The following THRAP3 variants were observed in gnomAD, a reference collection of about 807,000 sequenced individuals.
The protein encoded by THRAP3 is thyroid hormone receptor-associated protein 3.
Under a neutral mutation model 101.0 loss-of-function variants are expected in THRAP3, and 16 were observed. The ratio of observed to expected loss-of-function variants is 0.16; its 90% CI spans 0.11 to 0.24. The LOEUF (loss-of-function observed/expected upper bound fraction) is 0.24. Among genes scored for constraint, THRAP3 ranks in the 10% least tolerant of loss-of-function variants. THRAP3 has a pLI of 1.00. For synonymous variants in THRAP3, 407 were observed against 422.6 expected, an observed-to-expected ratio of 0.96 and a Z score of 0.45; for missense variants, 989 against 1,202.7, an observed-to-expected ratio of 0.82 and a Z score of 2.63.
At chr1:36,294,143 C>T (rs1241788449) in intron 8 of THRAP3, 1 of 1,331,862 alleles carries the variant, frequency 7.5e-7, no homozygotes, top group East Asian at 2.7e-5. Context: ...GGTAAATGAC[C>T]CCAAAGTCTA....
chr1:36,267,276 CAA>C (rs1446678895), intron 2 of THRAP3, among the ~76,000 whole-genome samples: 1 of 152,152 alleles, frequency 6.6e-6, no homozygotes, highest in Non-Finnish European at 1.5e-5. Context: ...CCTTTAAAAG[CAA>C]AGTTTCTTTA....
At chr1:36,213,703 C>T in the THRAP3 span, among the ~76,000 whole-genome samples, 23 of 151,614 alleles carry the variant, frequency 1.5e-4, no homozygotes, top group African/African-American at 1.5e-4. Context: ...AAAAATTAGC[C>T]GGGCATGGTG....
At chr1:36,225,317 G>A (rs1644949487) in intron 1 of THRAP3, 1 of 152,236 alleles carries the variant, frequency 6.6e-6, no homozygotes, top group African/African-American at 2.4e-5. Context: ...CCTGGCAAGA[G>A]AGAGGCAGTG....
At chr1:36,233,731 A>C (rs1217026260) in intron 1 of THRAP3, among the ~76,000 whole-genome samples, 35 of 151,922 alleles carry the variant, frequency 2.3e-4, no homozygotes, top group Admixed American at 2.0e-3. Flanking sequence ...GCACCACTGC[A>C]CTCTAGCCTG....
intron 6 of THRAP3, among the ~76,000 whole-genome samples, chr1:36,292,256 C>CTTTCTTTTTTTTTTTTTT (rs1209163379): frequency 1.8e-5 from 1 of 54,534 alleles, no homozygotes; most frequent in Non-Finnish European, 3.5e-5. Context: ...TAATGTGTTT[C>CTTTCTTTTTTTTTTTTTT]TTTGTTTCTT....
chr1:36,247,918 C>T (rs1439709702), intron 1 of THRAP3, among the ~76,000 whole-genome samples: 3 of 149,680 alleles, frequency 2.0e-5, no homozygotes, highest in African/African-American at 4.9e-5. Context: ...TCTGTCACCC[C>T]GCCCAGGCTG....
In THRAP3 at chr1:36,301,590, A is replaced by G. The variant is rs772512612; in HGVS notation, c.2540A>G (p.Asn847Ser). The G allele has an allele frequency of 1.2e-6, 2 of 1,614,192 alleles. No homozygotes were observed. Among genetic ancestry groups the G allele is most frequent in the Non-Finnish European group, 1.7e-6 (2 of 1,180,010 alleles). The change falls in exon 11 of 12, where the codon AAC (asparagine) becomes AGC (serine). Residue 847 changes from asparagine (N) to serine (S), a missense_variant. Transcript: ENST00000354618. ...RARGRGWGRG[N>S]YSGNNNNNSN... ...AGAGGAAGAGGCTGGGGCAGAGGCA[A>G]CTACTCTGGGAACAATAACAACAAC...
chr1:36,266,443 A>G (rs1188436027), intron 2 of THRAP3, among the ~76,000 whole-genome samples: 1 of 152,202 alleles, frequency 6.6e-6, no homozygotes, highest in Non-Finnish European at 1.5e-5. Flanking sequence ...TGGAAAATAC[A>G]TTTCTCATTG....
chr1:36,286,582 T>G lies in THRAP3; in HGVS notation c.352T>G (p.Tyr118Asp). The change falls in exon 4 of 12, where the codon TAC becomes GAC. Residue 118 changes from tyrosine (Y) to aspartate (D), a missense_variant. Transcript: ENST00000354618. This position sits in a 1 kb window ranked among gnomAD's most constrained non-coding sequence, Gnocchi z 5.5. Reference protein sequence around the residue: ...RSNWQNYRQAYSPRRGRSRSR... With the variant: ...RSNWQNYRQADSPRRGRSRSR... ...AAATTGGCAGAATTACCGGCAAGCA[T>G]ACAGTCCTCGTCGAGGCCGTTCAAG... 3 of 1,614,150 alleles carry G rather than the reference T, an allele frequency of 1.9e-6. No homozygotes were observed. The highest frequency in any genetic ancestry group is 2.5e-6 in the Non-Finnish European group (3 of 1,180,030).
chr1:36,274,869 G>A lies in THRAP3; in HGVS notation c.-31-7664G>A, dbSNP rs563327292. Reference sequence around the variant, plus strand: ...GCTGATCTCAATTTCTTGACCAAGTGATCCACCCGCCTTGGCCTCCCAAAG... The same window carrying A: ...GCTGATCTCAATTTCTTGACCAAGTAATCCACCCGCCTTGGCCTCCCAAAG... On this transcript the variant is annotated intron_variant, in intron 2 of 11. Coordinates refer to ENST00000354618, the MANE Select transcript of THRAP3 (RefSeq NM_005119.4). Among the ~76,000 whole-genome samples the A allele has an allele frequency of 2.0e-5, 3 of 151,294 alleles. No individual in the cohort carries two copies. The East Asian group carries it at 5.9e-4, about 30-fold the overall frequency.
At chr1:36,252,888 C>T (rs1403676206) in intron 1 of THRAP3, among the ~76,000 whole-genome samples, 1 of 138,428 alleles carries the variant, frequency 7.2e-6, no homozygotes, top group Non-Finnish European at 1.5e-5. Context: ...GCCTGGGTGA[C>T]AGAGTGAGAC....
At chr1:36,238,603 T>C (rs1645118574) in intron 1 of THRAP3, among the ~76,000 whole-genome samples, 1 of 152,196 alleles carries the variant, frequency 6.6e-6, no homozygotes, top group Admixed American at 6.6e-5. Context: ...GTTAGTGTTA[T>C]TACAGCTGTT....
At chr1:36,268,880 C>T (rs1645550915) in intron 2 of THRAP3, among the ~76,000 whole-genome samples, 1 of 152,198 alleles carries the variant, frequency 6.6e-6, no homozygotes, top group African/African-American at 2.4e-5. Context: ...CGCCCGCCAC[C>T]ACGCCCAGCT....
chr1:36,290,126 G>A (rs956617617), intron 5 of THRAP3, among the ~76,000 whole-genome samples: 14 of 151,962 alleles, frequency 9.2e-5, no homozygotes, highest in African/African-American at 2.9e-4. Context: ...TCTATAGTAC[G>A]GCCCTTCCCC....
In THRAP3 at chr1:36,275,602, A is replaced by AAAAAG. The variant is rs1553122394; in HGVS notation, c.-31-6929_-31-6928insAAGAA. Reference sequence around the variant, plus strand: ...ACTCTGTCTCAAAAAAAAAAAAAAAAAAGTCTTCTTTTTTTTTTTTCTTTT... The same window carrying AAAAAG: ...ACTCTGTCTCAAAAAAAAAAAAAAAAAAAAGAAGTCTTCTTTTTTTTTTTTCTTTT... On this transcript the variant is annotated intron_variant, in intron 2 of 11. Coordinates refer to ENST00000354618, the MANE Select transcript of THRAP3 (RefSeq NM_005119.4). Among the ~76,000 whole-genome samples, 50 of 126,974 alleles carry AAAAAG rather than the reference A, an allele frequency of 3.9e-4. 9 individuals are homozygous for AAAAAG. Among genetic ancestry groups the AAAAAG allele is most frequent in the East Asian group, 2.4e-3 (10 of 4,142 alleles). 83.3% of individuals were successfully genotyped at this position (126,974 alleles called of 152,430 possible).
intron 2 of THRAP3, among the ~76,000 whole-genome samples, chr1:36,262,849 A>G (rs566315418): frequency 2.6e-5 from 4 of 150,958 alleles, no homozygotes; most frequent in African/African-American, 9.7e-5. Flanking sequence ...GCTGGAGTGC[A>G]GTGGCGCGAT....
intron 2 of THRAP3, among the ~76,000 whole-genome samples, chr1:36,264,641 A>G (rs1570288796): frequency 6.6e-6 from 1 of 152,228 alleles, no homozygotes; most frequent in East Asian, 1.9e-4. Flanking sequence ...CGTGGATTCT[A>G]GTCTCAGTTG....
chr1:36,261,417 C>G (rs974564750), intron 2 of THRAP3, among the ~76,000 whole-genome samples: 2 of 152,092 alleles, frequency 1.3e-5, no homozygotes, highest in African/African-American at 4.8e-5. Context: ...CCTGTAGTCC[C>G]AGCTACTCGG....
intron 2 of THRAP3, among the ~76,000 whole-genome samples, chr1:36,263,637 G>C (rs569258326): frequency 6.6e-6 from 1 of 152,282 alleles, no homozygotes; most frequent in African/African-American, 2.4e-5. Flanking sequence ...CTGTCCCTGA[G>C]AGACATAGGA....
Sources: allele counts gnomAD v4.1 joint callset (sites outside exome capture counted in the v4.1 genomes callset), GRCh38; gene constraint gnomAD v4.1.1; non-coding constraint Gnocchi (gnomAD v3.1); transcripts MANE v1.5; gene names NCBI Gene and HGNC (gene_info 2026-07-23, HGNC 2026-07-21).